Variants in NAALADL2 observed in about 807,000 individuals in gnomAD.
NAALADL2 encodes the protein inactive N-acetylated-alpha-linked acidic dipeptidase-like protein 2.
Under a neutral mutation model 87.2 loss-of-function variants are expected in NAALADL2, and 76 were observed. That is an observed-to-expected ratio of 0.87 (90% CI 0.72 to 1.05). NAALADL2 has a LOEUF of 1.05. Among genes scored for constraint, NAALADL2 ranks in the 50% least tolerant of loss-of-function variants. NAALADL2 has a pLI of 0.00. For missense variants in NAALADL2, 1,089 were observed against 945.8 expected (o/e 1.15, Z -1.99); for synonymous variants, 354 against 331.0 (o/e 1.07, Z -0.75).
chr3:175,123,469 T>G (rs1368104198), intron 2 of NAALADL2, among the ~76,000 whole-genome samples: 1 of 151,946 alleles, frequency 6.6e-6, no homozygotes, highest in Admixed American at 6.6e-5. Context: ...GACATTGTTC[T>G]TGATATACTC....
chr3:175,245,364 G>T (rs1483741230), intron 3 of NAALADL2, among the ~76,000 whole-genome samples: 3 of 152,030 alleles, frequency 2.0e-5, no homozygotes, highest in Non-Finnish European at 4.4e-5. Flanking sequence ...GCATTATTTT[G>T]TCTGTTGACT....
intron 1 of NAALADL2, among the ~76,000 whole-genome samples, chr3:174,541,531 A>C (rs994861211): frequency 1.3e-5 from 2 of 152,032 alleles, no homozygotes; most frequent in Non-Finnish European, 2.9e-5. Flanking sequence ...GGGTTAATCA[A>C]TCATTCAACA....
chr3:175,124,153 C>T lies in NAALADL2; in HGVS notation c.545+26862C>T, dbSNP rs569542038. The stretch of plus-strand genomic sequence containing the variant: ...TTCTTCTGTTTGTAGGGGTCTCTGC[C>T]GCTTTTCGTGAGAATACTGAAGCTA... On this transcript the variant is annotated intron_variant, in intron 2 of 13. Coordinates refer to ENST00000454872, the MANE Select transcript of NAALADL2 (RefSeq NM_207015.3). Among the ~76,000 whole-genome samples, 29 of 151,964 alleles carry T rather than the reference C, an allele frequency of 1.9e-4. No homozygotes were observed. The South Asian group carries it at 2.5e-3, about 13-fold the overall frequency.
chr3:175,212,050 T>C (rs1048340004), intron 2 of NAALADL2, among the ~76,000 whole-genome samples: 8 of 152,082 alleles, frequency 5.3e-5, no homozygotes, highest in African/African-American at 1.9e-4. Context: ...ACTGTTGTAA[T>C]GTTTTGTTTT....
intron 3 of NAALADL2, among the ~76,000 whole-genome samples, chr3:174,808,831 C>T (rs193006730): frequency 6.6e-6 from 1 of 150,728 alleles, no homozygotes; most frequent in African/African-American, 2.4e-5. Context: ...TGTGCACATG[C>T]ATGTGTGTGT....
intron 5 of NAALADL2, among the ~76,000 whole-genome samples, chr3:175,357,148 G>A (rs1581561942): frequency 6.6e-6 from 1 of 151,912 alleles, no homozygotes; most frequent in East Asian, 1.9e-4. Flanking sequence ...TATTCCACTT[G>A]GCTTGCTTTC....
intron 5 of NAALADL2, among the ~76,000 whole-genome samples, chr3:175,365,053 C>T (rs1415686377): frequency 3.4e-5 from 5 of 147,446 alleles, no homozygotes; most frequent in Non-Finnish European, 6.0e-5. Context: ...CACAGCTTTC[C>T]ATATAACTTA....
chr3:175,496,202 G>A (rs2149357019), intron 9 of NAALADL2, among the ~76,000 whole-genome samples: 1 of 152,184 alleles, frequency 6.6e-6, no homozygotes, highest in Admixed American at 6.5e-5. Flanking sequence ...ATTCACACCA[G>A]AATTCACAGT....
At chr3:175,241,623 A>G (rs1317909458) in intron 3 of NAALADL2, among the ~76,000 whole-genome samples, 3 of 152,188 alleles carry the variant, frequency 2.0e-5, no homozygotes, top group African/African-American at 7.2e-5. Context: ...AGACAGGACC[A>G]TTTACAAAAA....
intron 10 of NAALADL2, among the ~76,000 whole-genome samples, chr3:175,589,258 T>A (rs1406855600): frequency 1.3e-5 from 2 of 152,134 alleles, no homozygotes; most frequent in East Asian, 3.9e-4. Flanking sequence ...AAATAAAATA[T>A]TATACCAGAA....
chr3:175,770,235 A>G (rs893202009), intron 13 of NAALADL2, among the ~76,000 whole-genome samples: 4 of 152,202 alleles, frequency 2.6e-5, no homozygotes, highest in African/African-American at 9.6e-5. Flanking sequence ...CATTTCAGAC[A>G]TATAATCTAC....
chr3:175,048,146 C>T (rs1754908940), intron 1 of NAALADL2, among the ~76,000 whole-genome samples: 1 of 152,108 alleles, frequency 6.6e-6, no homozygotes, highest in Non-Finnish European at 1.5e-5. Context: ...TTTTATTTCA[C>T]TTCAACTATA....
intron 2 of NAALADL2, among the ~76,000 whole-genome samples, chr3:175,131,367 C>G (rs1321253084): frequency 1.3e-5 from 2 of 152,014 alleles, no homozygotes; most frequent in African/African-American, 4.8e-5. Context: ...AATGAGCATG[C>G]TGCCTTCAAG....
intron 5 of NAALADL2, among the ~76,000 whole-genome samples, chr3:175,401,092 A>C (rs1431633780): frequency 6.6e-6 from 1 of 152,152 alleles, no homozygotes; most frequent in Non-Finnish European, 1.5e-5. Context: ...AATACACACC[A>C]GTAGGTCAAA....
chr3:175,258,028 G>A (rs903120715), intron 4 of NAALADL2, among the ~76,000 whole-genome samples: 2 of 152,112 alleles, frequency 1.3e-5, no homozygotes, highest in South Asian at 2.1e-4. Context: ...AAACGATGGG[G>A]CCAGGCGCGG....
chr3:175,030,322 G>A (rs77139562), intron 1 of NAALADL2, among the ~76,000 whole-genome samples: 3,471 of 152,162 alleles, frequency 0.023, 55 homozygotes, highest in Non-Finnish European at 0.034. Flanking sequence ...GTTGCTTATA[G>A]ACGAGTTTTG....
rs545278011 is a variant in NAALADL2, at chr3:175,465,466, A to G, written c.1328-1513A>G. 3.4e-3 allele frequency among the ~76,000 whole-genome samples: 466 copies of G among 137,332 alleles called. 2 individuals carry two copies. Among genetic ancestry groups the G allele is most frequent in the Non-Finnish European group, 5.3e-3 (356 of 66,736 alleles). The allele number at this position is 137,332 out of a possible 152,430, so 90.1% of individuals were successfully genotyped here. On this transcript the variant is annotated intron_variant, in intron 7 of 13. Coordinates refer to ENST00000454872, the MANE Select transcript of NAALADL2 (RefSeq NM_207015.3). Reference sequence around the variant, plus strand: ...CACTCTCACACTATGTATACCATGAATTAAATCTTTTTTTTTTTTTTTTTT... The same window carrying G: ...CACTCTCACACTATGTATACCATGAGTTAAATCTTTTTTTTTTTTTTTTTT...
At chr3:174,778,456 G>GTAA in intron 3 of NAALADL2, among the ~76,000 whole-genome samples, 1 of 77,262 alleles carries the variant, frequency 1.3e-5, no homozygotes, top group South Asian at 4.0e-4. Flanking sequence ...CTCTGCACCA[G>GTAA]GTTTGGGTTA....
chr3:174,748,935 G>T (rs1011834104), intron 3 of NAALADL2, among the ~76,000 whole-genome samples: 7 of 152,056 alleles, frequency 4.6e-5, no homozygotes, highest in African/African-American at 1.7e-4. Flanking sequence ...GTTGAGTGTA[G>T]CATGCATATT....
Sources: gnomAD v4.1 joint callset for allele counts (sites outside exome capture counted in the v4.1 genomes callset) on GRCh38, gnomAD v4.1.1 for gene constraint, MANE v1.5 for transcripts, NCBI Gene and HGNC (gene_info 2026-07-23, HGNC 2026-07-21) for gene names.